The following SLC9A9 variants were observed in gnomAD, a reference collection of about 807,000 sequenced individuals.
The protein encoded by SLC9A9 is solute carrier family 9 member A9, also known as sodium/hydrogen exchanger 9.
A neutral mutation model predicts 77.8 loss-of-function variants in SLC9A9; 62 were observed. The observed-to-expected ratio is 0.80, with a 90% confidence interval of 0.65 to 0.98. The LOEUF is 0.98. Among genes scored for constraint, SLC9A9 ranks in the 50% least tolerant of loss-of-function variants. SLC9A9 has a pLI of 0.00. For missense variants in SLC9A9, 775 were observed against 774.9 expected, an observed-to-expected ratio of 1.00 and a Z score of 0.00; for synonymous variants, 320 against 283.5, an observed-to-expected ratio of 1.13 and a Z score of -1.29.
intron 10 of SLC9A9, 116 bp downstream of exon 10, chr3:143,495,219 C>A: frequency 1.2e-6 from 1 of 849,316 alleles, no homozygotes; most frequent in Non-Finnish European, 2.0e-6. Context: ...TGCCTTGTGT[C>A]TGAGCCTTGC....
At chr3:143,808,258 T>C (rs1185373958) in intron 2 of SLC9A9, among the ~76,000 whole-genome samples, 1 of 152,242 alleles carries the variant, frequency 6.6e-6, no homozygotes, top group Non-Finnish European at 1.5e-5. Flanking sequence ...TCAGACATGA[T>C]TAAACTCCAG....
intron 4 of SLC9A9, among the ~76,000 whole-genome samples, chr3:143,764,064 A>G (rs1418160598): frequency 6.6e-6 from 1 of 152,112 alleles, no homozygotes; most frequent in Non-Finnish European, 1.5e-5. Flanking sequence ...TCCCAAGCTT[A>G]TATTATAGAA....
chr3:143,606,436 C>CTCTCTCTCTCTCTATA (rs1419410834), intron 6 of SLC9A9, among the ~76,000 whole-genome samples: 21 of 54,204 alleles, frequency 3.9e-4, no homozygotes, highest in African/African-American at 9.2e-4. Context: ...CTCTCTCTCT[C>CTCTCTCTCTCTCTATA]TATATATATA....
At chr3:143,407,807 T>G (rs183953787) in intron 12 of SLC9A9, among the ~76,000 whole-genome samples, 1 of 152,376 alleles carries the variant, frequency 6.6e-6, no homozygotes, top group African/African-American at 2.4e-5. Flanking sequence ...GAAATTTTAA[T>G]ATGCATACTC....
At chr3:143,673,710 G>T (rs1041391207) in intron 5 of SLC9A9, among the ~76,000 whole-genome samples, 5 of 151,834 alleles carry the variant, frequency 3.3e-5, no homozygotes, top group African/African-American at 1.2e-4. Flanking sequence ...TAGTAGAAAA[G>T]ACTTTCTGAC....
intron 4 of SLC9A9, among the ~76,000 whole-genome samples, chr3:143,727,422 A>G (rs1934682688): frequency 6.6e-6 from 1 of 152,164 alleles, no homozygotes; most frequent in African/African-American, 2.4e-5. Flanking sequence ...CATTCCAATG[A>G]CCTGGTGCAC....
Position 143,308,575 on chromosome 3 carries a change from C to CAA in SLC9A9, c.1605-39597_1605-39596dup, listed in dbSNP as rs72347142. Among the ~76,000 whole-genome samples, 43 of 138,948 alleles carry CAA rather than the reference C, an allele frequency of 3.1e-4. 1 individual carries two copies. Among genetic ancestry groups the CAA allele is most frequent in the Admixed American group, 1.3e-3 (18 of 14,080 alleles). 91.2% of individuals were successfully genotyped at this position (138,948 alleles called of 152,430 possible). A position where few individuals can be genotyped will look rare whatever the true frequency, so the allele number is the denominator to read the frequency against. ...TGGGCGACAGAGCGAGACTCTGTCT[C>CAA]AAAAAAAAAAAAATTAAGGATTTCA... is the stretch of plus-strand genomic sequence containing the variant. On this transcript the variant is annotated intron_variant, in intron 14 of 15. Coordinates refer to ENST00000316549, the MANE Select transcript of SLC9A9 (RefSeq NM_173653.4).
intron 14 of SLC9A9, among the ~76,000 whole-genome samples, chr3:143,321,028 A>G (rs757657228): frequency 1.1e-4 from 16 of 152,204 alleles, no homozygotes; most frequent in Non-Finnish European, 2.2e-4. Flanking sequence ...AGGCTAGAAG[A>G]GGCAAGGAAA....
chr3:143,626,475 A>T (rs2038328711), intron 6 of SLC9A9, among the ~76,000 whole-genome samples: 1 of 152,216 alleles, frequency 6.6e-6, no homozygotes, highest in South Asian at 2.1e-4. Context: ...AGGGACATGG[A>T]TGAAGCTGGA....
intron 15 of SLC9A9, 118 bp from the exon 16 acceptor site, chr3:143,267,047 G>C: frequency 1.1e-6 from 1 of 917,672 alleles, no homozygotes; most frequent in South Asian, 1.4e-5. Flanking sequence ...TAACTGCCCT[G>C]TCTGGCCTTG....
At chr3:143,360,322 T>C (rs1404503116) in intron 14 of SLC9A9, among the ~76,000 whole-genome samples, 1 of 152,244 alleles carries the variant, frequency 6.6e-6, no homozygotes, top group East Asian at 1.9e-4. Flanking sequence ...ATTTCTCATC[T>C]CTGCATTTCT....
At chr3:143,447,085 C>A (rs2034859959) in intron 12 of SLC9A9, among the ~76,000 whole-genome samples, 1 of 152,162 alleles carries the variant, frequency 6.6e-6, no homozygotes, top group Non-Finnish European at 1.5e-5. Context: ...CCCCTCTAAG[C>A]CTCATCTATT....
intron 11 of SLC9A9, among the ~76,000 whole-genome samples, chr3:143,485,655 G>A (rs745770028): frequency 1.3e-5 from 2 of 151,972 alleles, no homozygotes; most frequent in Admixed American, 1.3e-4. Flanking sequence ...GCTTTCCAGA[G>A]TTACCATAAT....
At chr3:143,286,171 A>G (rs1369532282) in intron 14 of SLC9A9, among the ~76,000 whole-genome samples, 1 of 152,066 alleles carries the variant, frequency 6.6e-6, no homozygotes, top group Admixed American at 6.6e-5. Context: ...ACTGAATGCT[A>G]GTTATTTTCT....
At position 143,668,420 on chromosome 3, in the gene SLC9A9, T is replaced by G. The variant is rs564934875; in HGVS notation, c.650-16060A>C. ...GGGTGCAGCACACCAACATGGCGCA[T>G]GTATACATATTTAACAATCCTGCAC... is the stretch of plus-strand genomic sequence containing the variant. On this transcript the variant is annotated intron_variant, in intron 5 of 15. Transcript: ENST00000316549. Among the ~76,000 whole-genome samples, 31 of 151,960 alleles carry G rather than the reference T, an allele frequency of 2.0e-4. No individual in the cohort carries two copies. In the South Asian group the frequency reaches 6.5e-3, roughly 32 times the overall value.
At chr3:143,432,788 C>T (rs374614281) in intron 12 of SLC9A9, among the ~76,000 whole-genome samples, 3 of 152,162 alleles carry the variant, frequency 2.0e-5, no homozygotes, top group Non-Finnish European at 2.9e-5. Context: ...CCCCCACACC[C>T]GGCTAATTTT....
intron 11 of SLC9A9, among the ~76,000 whole-genome samples, chr3:143,468,936 C>T (rs1040884955): frequency 6.6e-6 from 1 of 152,128 alleles, no homozygotes. Flanking sequence ...CCGAGGTGGG[C>T]AGATCATGAG....
intron 9 of SLC9A9, chr3:143,503,269 G>T: frequency 4.1e-6 from 1 of 245,288 alleles, no homozygotes; most frequent in South Asian, 4.8e-5. Flanking sequence ...CACTGGGGCT[G>T]GTGGTCTAGG....
At chr3:143,736,992 A>T (rs1934956547) in intron 4 of SLC9A9, among the ~76,000 whole-genome samples, 3 of 152,218 alleles carry the variant, frequency 2.0e-5, no homozygotes, top group Non-Finnish European at 4.4e-5. Context: ...ATTTTAATAC[A>T]CTAAGTAGAG....
Sources: gnomAD v4.1 joint callset for allele counts (sites outside exome capture counted in the v4.1 genomes callset) on GRCh38, gnomAD v4.1.1 for gene constraint, MANE v1.5 for transcripts, NCBI Gene and HGNC (gene_info 2026-07-23, HGNC 2026-07-21) for gene names.